Variants in GRID2IP observed in about 807,000 individuals in gnomAD.
The protein encoded by GRID2IP is delphilin.
In GRID2IP, 78 loss-of-function variants were observed where a neutral mutation model predicts 114.3. That is an observed-to-expected ratio of 0.68 (90% CI 0.57 to 0.82). GRID2IP has a LOEUF of 0.82. Ranked by LOEUF, GRID2IP falls within the 40% of genes least tolerant of loss-of-function variation. The pLI, the probability that GRID2IP is intolerant of heterozygous loss-of-function variation, is 0.00. For missense variants in GRID2IP, 1,727 were observed against 1,678.5 expected (o/e 1.03, Z -0.51); for synonymous variants, 809 against 724.0 (o/e 1.12, Z -1.89).
rs375317074 is a variant in GRID2IP, at chr7:6,497,762, G to C, written c.*12C>G. 2 of 1,545,592 alleles carry C rather than the reference G, an allele frequency of 1.3e-6. No individual in the cohort carries two copies. ...CCCTGCTCAGGCCGCAGAGGACGCG[G>C]TGTGGCCACTGTCACCAGGCCAGGG... On this transcript the variant is annotated 3_prime_UTR_variant, in exon 22 of 22. Coordinates refer to ENST00000457091, the MANE Select transcript of GRID2IP (RefSeq NM_001145118.2).
At chr7:6,504,738 A>G in intron 15 of GRID2IP, 55 bp downstream of exon 15, 1 of 1,392,460 alleles carries the variant, frequency 7.2e-7, no homozygotes. Flanking sequence ...TCTGAGGCCC[A>G]GAGAAAGGGC....
rs964010691 is a variant in GRID2IP at position 6,551,267 on chromosome 7, A to G, written c.170T>C (p.Val57Ala). The change falls in exon 1 of 22, where the codon GTG becomes GCG. Residue 57 changes from valine to alanine, a missense_variant. Physicochemically the swap from Val to Ala is moderately conservative, Grantham distance 64. Coordinates refer to ENST00000457091, the MANE Select transcript of GRID2IP (RefSeq NM_001145118.2). ...GAGGCGCTCGCGGCTCAGACCGCCCACCGCCAGCCCCTCCACCTCCAGGAT... is the reference window on the plus strand; with the variant it reads ...GAGGCGCTCGCGGCTCAGACCGCCCGCCGCCAGCCCCTCCACCTCCAGGAT... Reference protein sequence around the residue: ...DQILEVEGLAVGGLSRERLVR... With the variant: ...DQILEVEGLAAGGLSRERLVR... 2.0e-6 allele frequency: 3 copies of G among 1,536,918 alleles called. No homozygotes were observed. Among genetic ancestry groups the G allele is most frequent in the African/African-American group, 2.7e-5 (2 of 72,768 alleles).
At position 6,526,462 on chromosome 7, in the gene GRID2IP, C is replaced by A; in HGVS notation, c.833+59G>T. The stretch of plus-strand genomic sequence containing the variant: ...GCCCCTACGCCCTCTCCCCGGGTCT[C>A]GGTCCCGAGCCCACCCGCAGGGAGG... On this transcript the variant is annotated intron_variant, in intron 3 of 21. Coordinates refer to ENST00000457091, the MANE Select transcript of GRID2IP (RefSeq NM_001145118.2). This position sits in a 1 kb window ranked among gnomAD's most constrained non-coding sequence, Gnocchi z 7.6. 1.4e-6 allele frequency: 2 copies of A among 1,427,150 alleles called. No individual in the cohort carries two copies. Among genetic ancestry groups the A allele is most frequent in the Non-Finnish European group, 1.8e-6 (2 of 1,089,518 alleles). 88.4% of individuals were successfully genotyped at this position (1,427,150 alleles called of 1,614,324 possible).
Position 6,508,407 on chromosome 7 carries a change from G to T in GRID2IP, c.2128-6C>A, listed in dbSNP as rs186545008. The T allele has an allele frequency of 4.9e-3, 7,569 of 1,551,140 alleles. 36 individuals carry two copies. The highest frequency in any genetic ancestry group is 0.021 in the Middle Eastern group (127 of 5,942). ...TGGTCATCATGGAAGCTCATCTGGTGGTGGGGAGAGAGGCAAGGGGAGGGT... is the reference window on the plus strand; with the variant it reads ...TGGTCATCATGGAAGCTCATCTGGTTGTGGGGAGAGAGGCAAGGGGAGGGT... On this transcript the variant is annotated splice_region_variant and splice_polypyrimidine_tract_variant and intron_variant, in intron 12 of 21. Coordinates refer to ENST00000457091, the MANE Select transcript of GRID2IP (RefSeq NM_001145118.2). The surrounding 1 kb of genome is among the most constrained non-coding windows in gnomAD (Gnocchi z 5.6).
In GRID2IP at chr7:6,509,211, G is replaced by A. The variant is rs1786690567; in HGVS notation, c.1874C>T (p.Ser625Phe). 1 of 1,494,848 alleles carries A rather than the reference G, an allele frequency of 6.7e-7. No individual in the cohort carries two copies. The highest frequency in any genetic ancestry group is 1.3e-5 in the South Asian group (1 of 75,282). 92.6% of individuals were successfully genotyped at this position (1,494,848 alleles called of 1,614,324 possible). A position where few individuals can be genotyped will look rare whatever the true frequency, so the allele number is the denominator to read the frequency against. The change falls in exon 12 of 22, where the codon TCT (serine) becomes TTT (phenylalanine). Residue 625 changes from serine to phenylalanine, a missense_variant. Ser to Phe is a radical substitution (Grantham distance 155, BLOSUM62 -2). Coordinates refer to ENST00000457091, the MANE Select transcript of GRID2IP (RefSeq NM_001145118.2). The surrounding 1 kb of genome is among the most constrained non-coding windows in gnomAD (Gnocchi z 4.9). ...CAGGCTGGCGTAGGGGTGGGACTCA[G>A]AGCTGCTGGGGGAGGCCAGACCCCC... is the stretch of plus-strand genomic sequence containing the variant. ...CSGGLASPSS[S>F]ESHPYASLDS...
chr7:6,502,954 A>C, intron 17 of GRID2IP, 54 bp downstream of exon 17: 1 of 1,544,814 alleles, frequency 6.5e-7, no homozygotes, highest in Non-Finnish European at 8.8e-7. Flanking sequence ...CCAGGCTGGA[A>C]GCCCCAGGAG....
Position 6,508,408 on chromosome 7 carries a change from G to T in GRID2IP, c.2128-7C>A. On this transcript the variant is annotated splice_region_variant and splice_polypyrimidine_tract_variant and intron_variant, in intron 12 of 21. Transcript: ENST00000457091. This position sits in a 1 kb window ranked among gnomAD's most constrained non-coding sequence, Gnocchi z 5.6. The stretch of plus-strand genomic sequence containing the variant: ...GGTCATCATGGAAGCTCATCTGGTG[G>T]TGGGGAGAGAGGCAAGGGGAGGGTG... 1 of 1,551,152 alleles carries T rather than the reference G, an allele frequency of 6.4e-7. No individual in the cohort carries two copies. Among genetic ancestry groups the T allele is most frequent in the Middle Eastern group, 1.7e-4 (1 of 5,950 alleles).
At position 6,510,296 on chromosome 7, in the gene GRID2IP, T is replaced by C; in HGVS notation, c.1758A>G (p.Pro586=). The C allele has an allele frequency of 6.5e-7, 1 of 1,543,852 alleles. No homozygotes were observed. Among genetic ancestry groups the C allele is most frequent in the South Asian group, 1.2e-5 (1 of 83,032 alleles). Residue 586 remains proline, a synonymous_variant, in exon 11 of 22, where the codon CCA becomes CCG. Coordinates refer to ENST00000457091, the MANE Select transcript of GRID2IP (RefSeq NM_001145118.2). The stretch of plus-strand genomic sequence containing the variant: ...CTGGAGCCCTACCTGTGGTGACTGC[T>C]GGGCTGGGGCCTGGAGGGGAAGCCC... ...KSRASPPGPS[P]AVTTGPRTLS...
Position 6,516,309 on chromosome 7 carries a change from A to C in GRID2IP, c.1269-1780T>G, listed in dbSNP as rs1779298501. Reference sequence around the variant, plus strand: ...ATAAGAATAGTTATACTAGAAATAGATTATAGATATGTATATGAATATTAT... The same window carrying C: ...ATAAGAATAGTTATACTAGAAATAGCTTATAGATATGTATATGAATATTAT... On this transcript the variant is annotated intron_variant, in intron 7 of 21. Transcript: ENST00000457091. The surrounding 1 kb of genome is among the most constrained non-coding windows in gnomAD (Gnocchi z 4.3). 1.3e-5 allele frequency among the ~76,000 whole-genome samples: 2 copies of C among 151,976 alleles called. No individual in the cohort carries two copies. The highest frequency in any genetic ancestry group is 2.9e-5 in the Non-Finnish European group (2 of 67,996).
In GRID2IP at chr7:6,523,229, C is replaced by T. The variant is rs1779446254; in HGVS notation, c.920-1272G>A. Reference sequence around the variant, plus strand: ...CTCTCTGGGGGAAGTGGAAACTGTCCAGAGAAGAGAGGGAACAATTAGGGA... The same window carrying T: ...CTCTCTGGGGGAAGTGGAAACTGTCTAGAGAAGAGAGGGAACAATTAGGGA... On this transcript the variant is annotated intron_variant, in intron 4 of 21. Transcript: ENST00000457091. The surrounding 1 kb of genome is among the most constrained non-coding windows in gnomAD (Gnocchi z 4.5). 6.6e-6 allele frequency among the ~76,000 whole-genome samples: 1 copy of T among 152,116 alleles called. No individual in the cohort carries two copies. Among genetic ancestry groups the T allele is most frequent in the African/African-American group, 2.4e-5 (1 of 41,416 alleles).
rs1786527622 is a variant in GRID2IP at position 6,504,779 on chromosome 7, C to A, written c.2710+14G>T. On this transcript the variant is annotated intron_variant, in intron 15 of 21. Coordinates refer to ENST00000457091, the MANE Select transcript of GRID2IP (RefSeq NM_001145118.2). ...CCTGCCCCCTACACCCCCTGGGGTT[C>A]CCCGGACCCTCACAGGTGTTGTAGG... 6.5e-7 allele frequency: 1 copy of A among 1,548,084 alleles called. No individual in the cohort carries two copies. The highest frequency in any genetic ancestry group is 1.2e-5 in the South Asian group (1 of 84,020).
chr7:6,551,402 C>A lies in GRID2IP; in HGVS notation c.35G>T (p.Gly12Val), dbSNP rs1779980142. The A allele has an allele frequency of 1.9e-6, 3 of 1,547,374 alleles. No individual in the cohort carries two copies. Among genetic ancestry groups the A allele is most frequent in the Non-Finnish European group, 2.6e-6 (3 of 1,145,478 alleles). ...CCGGAAGCCAAAGTCCTCTGGCCAG[C>A]CCTGGTTCGTGGCCGGCGTGGCAGT... ...ATTATPATNQ[G>V]WPEDFGFRLG... Residue 12 changes from glycine (G) to valine (V), a missense_variant, in exon 1 of 22, where the codon GGC becomes GTC. Transcript: ENST00000457091.
chr7:6,508,540 C>A lies in GRID2IP; in HGVS notation c.2128-139G>T, dbSNP rs1489676000. On this transcript the variant is annotated intron_variant, in intron 12 of 21. Coordinates refer to ENST00000457091, the MANE Select transcript of GRID2IP (RefSeq NM_001145118.2). The surrounding 1 kb of genome is among the most constrained non-coding windows in gnomAD (Gnocchi z 5.6). ...GGTTAGCCTCAGGCTGTGAGGGACA[C>A]CTGGGCTAAGGATAGGACTGTCTCA... 3 of 1,393,862 alleles carry A rather than the reference C, an allele frequency of 2.2e-6. No individual in the cohort carries two copies. The highest frequency in any genetic ancestry group is 2.9e-6 in the Non-Finnish European group (3 of 1,039,156). 86.3% of individuals were successfully genotyped at this position (1,393,862 alleles called of 1,614,324 possible).
intron 4 of GRID2IP, among the ~76,000 whole-genome samples, chr7:6,524,002 G>C (rs1779460529): frequency 6.6e-6 from 1 of 152,132 alleles, no homozygotes; most frequent in Admixed American, 6.5e-5. Flanking sequence ...CTTACAATAT[G>C]GTGTCAACAA....
chr7:6,540,478 CATTTT>C (rs1384403218), intron 1 of GRID2IP, among the ~76,000 whole-genome samples: 1 of 151,672 alleles, frequency 6.6e-6, no homozygotes, highest in Non-Finnish European at 1.5e-5. Flanking sequence ...TTAGTATCTT[CATTTT>C]ATTTATTTAT....
At chr7:6,514,606 G>A (rs558716721) in intron 7 of GRID2IP, 77 bp from the exon 8 acceptor site, 3 of 1,312,982 alleles carry the variant, frequency 2.3e-6, no homozygotes, top group Non-Finnish European at 3.0e-6. Flanking sequence ...TAGACAAGAC[G>A]GCACTTCCAA....
chr7:6,524,023 C>A (rs118088561), intron 4 of GRID2IP, among the ~76,000 whole-genome samples: 1,842 of 152,276 alleles, frequency 0.012, 41 homozygotes, highest in South Asian at 0.067. Flanking sequence ...GTTAGTGATG[C>A]CCAAATCGGG....
chr7:6,509,871 A>G lies in GRID2IP; in HGVS notation c.1771+412T>C, dbSNP rs1013767497. On this transcript the variant is annotated intron_variant, in intron 11 of 21. Coordinates refer to ENST00000457091, the MANE Select transcript of GRID2IP (RefSeq NM_001145118.2). The surrounding 1 kb of genome is among the most constrained non-coding windows in gnomAD (Gnocchi z 4.9). Reference sequence around the variant, plus strand: ...AAGACAGGGTCTTACTCTGTTGCTTATAGGCTAGAGTGCAGTGGTTCGAAA... The same window carrying G: ...AAGACAGGGTCTTACTCTGTTGCTTGTAGGCTAGAGTGCAGTGGTTCGAAA... Among the ~76,000 whole-genome samples, 7 of 152,284 alleles carry G rather than the reference A, an allele frequency of 4.6e-5. No individual in the cohort carries two copies. The highest frequency in any genetic ancestry group is 1.9e-4 in the East Asian group (1 of 5,188).
intron 8 of GRID2IP, among the ~76,000 whole-genome samples, chr7:6,512,988 A>G (rs925919366): frequency 2.0e-5 from 3 of 152,094 alleles, no homozygotes; most frequent in African/African-American, 7.2e-5. Flanking sequence ...GGATGCCTAG[A>G]ACAGGGTAGA....
Sources: gnomAD v4.1 joint callset for allele counts (sites outside exome capture counted in the v4.1 genomes callset) on GRCh38, gnomAD v4.1.1 for gene constraint, Gnocchi (gnomAD v3.1) non-coding constraint, MANE v1.5 for transcripts, NCBI Gene and HGNC (gene_info 2026-07-23, HGNC 2026-07-21) for gene names.